TSBP1: variants seen among roughly 807,000 people sequenced by gnomAD.
TSBP1 encodes testis-expressed basic protein 1.
TSBP1 carries 56 observed loss-of-function variants against 68.8 expected under a neutral mutation model. The ratio of observed to expected loss-of-function variants is 0.81; its 90% CI spans 0.66 to 1.02. The LOEUF is 1.02. Among genes scored for constraint, TSBP1 ranks in the 50% least tolerant of loss-of-function variants. TSBP1 has a pLI of 0.00. For synonymous variants in TSBP1, 171 were observed against 208.7 expected (o/e 0.82, Z 1.56); for missense variants, 502 against 641.2 (o/e 0.78, Z 2.34).
In TSBP1 at chr6:32,333,183, A is replaced by AT. The variant is rs1307550153; in HGVS notation, c.473-1130dup. ...GACACCACACCCAGCTAATTTTTGT[A>AT]TTTTTTTAAGTAGAGATGGGGTTTC... is the stretch of plus-strand genomic sequence containing the variant. On this transcript the variant is annotated intron_variant, in intron 14 of 22. Coordinates refer to ENST00000612031, the Ensembl canonical transcript of TSBP1. This position sits in a 1 kb window ranked among gnomAD's most constrained non-coding sequence, Gnocchi z 4.2. Among the ~76,000 whole-genome samples, 3 of 151,014 alleles carry AT rather than the reference A, an allele frequency of 2.0e-5. No homozygotes were observed. The highest frequency in any genetic ancestry group is 4.9e-5 in the African/African-American group (2 of 41,012).
intron 9 of TSBP1, among the ~76,000 whole-genome samples, chr6:32,342,694 A>G (rs1301013282): frequency 6.6e-6 from 1 of 152,228 alleles, no homozygotes; most frequent in Non-Finnish European, 1.5e-5. Flanking sequence ...GTGATTTTTT[A>G]GTAGGTCTTA....
In TSBP1 at chr6:32,343,222, A is replaced by G; in HGVS notation, c.350-3584T>C. The G allele has an allele frequency of 7.2e-7, 1 of 1,383,726 alleles. No individual in the cohort carries two copies. Among genetic ancestry groups the G allele is most frequent in the Non-Finnish European group, 9.5e-7 (1 of 1,057,320 alleles). 85.7% of individuals were successfully genotyped at this position (1,383,726 alleles called of 1,614,324 possible). A position where few individuals can be genotyped will look rare whatever the true frequency, so the allele number is the denominator to read the frequency against. ...GCCCAACAACACCAGAGTTTGAAACAAGAAGATAAACTTACTCATGGATCC... is the reference window on the plus strand; with the variant it reads ...GCCCAACAACACCAGAGTTTGAAACGAGAAGATAAACTTACTCATGGATCC... On this transcript the variant is annotated intron_variant, in intron 9 of 22. Transcript: ENST00000612031. This position sits in a 1 kb window ranked among gnomAD's most constrained non-coding sequence, Gnocchi z 4.3.
At chr6:32,300,812 AT>A (rs1765210121) in intron 20 of TSBP1, 112 bp from the exon 24 acceptor site, 1 of 883,290 alleles carries the variant, frequency 1.1e-6, no homozygotes, top group Non-Finnish European at 1.9e-6. Flanking sequence ...AATTTCATTT[AT>A]TTAAATGTGA....
intron 22 of TSBP1, among the ~76,000 whole-genome samples, chr6:32,298,448 AC>A (rs1350197449): frequency 1.3e-5 from 2 of 152,096 alleles, no homozygotes; most frequent in African/African-American, 4.8e-5. Context: ...GCATGGTGGC[AC>A]ATGCCTGTAA....
At chr6:32,353,681 G>A (rs192341285) in intron 8 of TSBP1, among the ~76,000 whole-genome samples, 10 of 152,076 alleles carry the variant, frequency 6.6e-5, no homozygotes, top group African/African-American at 1.7e-4. Flanking sequence ...GAAAGCAATG[G>A]AGTATTGGTT....
rs542525 is a variant in TSBP1, at chr6:32,321,028, T to C, written c.559+2089A>G. Among the ~76,000 whole-genome samples the C allele has an allele frequency of 0.34, 51,917 of 152,084 alleles. 10,005 individuals carry two copies. The highest frequency in any genetic ancestry group is 0.52 in the Middle Eastern group (154 of 294). On this transcript the variant is annotated intron_variant, in intron 18 of 22. Coordinates refer to ENST00000612031, the Ensembl canonical transcript of TSBP1. This position sits in a 1 kb window ranked among gnomAD's most constrained non-coding sequence, Gnocchi z 4.3. ...AAAGGACATGATCTCATTCTTTTTT[T>C]GGCTGCGTAGTATTCCATGGTGTAT...
At chr6:32,323,493 CAG>C (rs3038470) in intron 17 of TSBP1, 96 bp downstream of exon 18, 438,576 of 1,147,040 alleles carry the variant, frequency 0.38, 88,982 homozygotes, top group Middle Eastern at 0.56. Context: ...TAGCTGCACA[CAG>C]AGTTAGAAAT....
At position 32,335,514 on chromosome 6, in the gene TSBP1, T is replaced by C; in HGVS notation, c.452-57A>G. 8.9e-7 allele frequency: 1 copy of C among 1,125,080 alleles called. No individual in the cohort carries two copies. The highest frequency in any genetic ancestry group is 2.9e-5 in the South Asian group (1 of 34,798). The allele number at this position is 1,125,080 out of a possible 1,614,324, so 69.7% of individuals were successfully genotyped here. On this transcript the variant is annotated intron_variant, in intron 13 of 22. Coordinates refer to ENST00000612031, the Ensembl canonical transcript of TSBP1. The surrounding 1 kb of genome is among the most constrained non-coding windows in gnomAD (Gnocchi z 5.5). ...TATATATATATTTTATATATACTTT[T>C]TATTTATATACTTTAATTTGTATAC...
In TSBP1 at chr6:32,292,805, G is replaced by T; in HGVS notation, c.*176C>A. 1.8e-6 allele frequency: 1 copy of T among 547,104 alleles called. No homozygotes were observed. Among genetic ancestry groups the T allele is most frequent in the Non-Finnish European group, 3.2e-6 (1 of 314,214 alleles). 33.9% of individuals were successfully genotyped at this position (547,104 alleles called of 1,614,324 possible). On this transcript the variant is annotated 3_prime_UTR_variant, in exon 23 of 23. Transcript: ENST00000612031. This position sits in a 1 kb window ranked among gnomAD's most constrained non-coding sequence, Gnocchi z 4.1. ...ATAAAACAAATATTTGGAAACTGAGGTTTGTGGCTGAGAGATTAAAAAGGG... is the reference window on the plus strand; with the variant it reads ...ATAAAACAAATATTTGGAAACTGAGTTTTGTGGCTGAGAGATTAAAAAGGG...
At chr6:32,339,378 G>T in intron 10 of TSBP1, 1 of 650,790 alleles carries the variant, frequency 1.5e-6, no homozygotes, top group Non-Finnish European at 2.9e-6. Context: ...TCCTCACACT[G>T]GTAAAAGAGA....
rs1774213609 is a variant in TSBP1 at position 32,370,079 on chromosome 6, T to TC, written c.14-97_14-96insG. 7 of 781,662 alleles carry TC rather than the reference T, an allele frequency of 9.0e-6. No homozygotes were observed. In the East Asian group the frequency reaches 1.7e-4, roughly 19 times the overall value. The allele number at this position is 781,662 out of a possible 1,614,324, so 48.4% of individuals were successfully genotyped here. On this transcript the variant is annotated intron_variant, in intron 1 of 22. Coordinates refer to ENST00000612031, the Ensembl canonical transcript of TSBP1. ...CCTCTTACTATCCACCAGATAGACT[T>TC]TTTTTCTTTCCCCTTTCTGCTACTT...
intron 9 of TSBP1, 150 bp downstream of exon 9, chr6:32,349,590 T>C (rs1771483016): frequency 3.3e-6 from 2 of 600,964 alleles, no homozygotes; most frequent in African/African-American, 1.9e-5. Context: ...TATTGAAGTG[T>C]CTGGTTATGG....
rs1353138797 is a variant in TSBP1, at chr6:32,308,585, G to A, written c.581-5956C>T. On this transcript the variant is annotated intron_variant, in intron 19 of 22. Transcript: ENST00000612031. ...TGCACTCCAGCCTGTGCGACAGAGC[G>A]AGACTCCGTCTCAAAAAAAAAAAAA... Among the ~76,000 whole-genome samples, 74 of 119,312 alleles carry A rather than the reference G, an allele frequency of 6.2e-4. No homozygotes were observed. In the East Asian group the frequency reaches 0.016, roughly 26 times the overall value. 78.3% of individuals were successfully genotyped at this position (119,312 alleles called of 152,430 possible).
rs1256415263 is a variant in TSBP1, at chr6:32,337,077, A to G, written c.410-442T>C. On this transcript the variant is annotated intron_variant, in intron 11 of 22. Transcript: ENST00000612031. This position sits in a 1 kb window ranked among gnomAD's most constrained non-coding sequence, Gnocchi z 5.5. ...CCTATATCCTACAGAAGGCCAAAGAACATTAGAGGAAACAGAAAAGGAACT... is the reference window on the plus strand; with the variant it reads ...CCTATATCCTACAGAAGGCCAAAGAGCATTAGAGGAAACAGAAAAGGAACT... Among the ~76,000 whole-genome samples, 1 of 152,188 alleles carries G rather than the reference A, an allele frequency of 6.6e-6. No homozygotes were observed. Among genetic ancestry groups the G allele is most frequent in the Non-Finnish European group, 1.5e-5 (1 of 68,034 alleles).
In TSBP1 at chr6:32,361,447, A is replaced by G. The variant is rs1046415137; in HGVS notation, c.217+4720T>C. 6.6e-6 allele frequency among the ~76,000 whole-genome samples: 1 copy of G among 152,186 alleles called. No individual in the cohort carries two copies. Among genetic ancestry groups the G allele is most frequent in the Admixed American group, 6.5e-5 (1 of 15,274 alleles). On this transcript the variant is annotated intron_variant, in intron 6 of 22. Coordinates refer to ENST00000612031, the Ensembl canonical transcript of TSBP1. This position sits in a 1 kb window ranked among gnomAD's most constrained non-coding sequence, Gnocchi z 4.3. ...ATTTCTAGTTCTAGATCCTTGAGGA[A>G]TCACCACACTGTCTTCCACAATGGT... is the stretch of plus-strand genomic sequence containing the variant.
rs1209837183 is a variant in TSBP1, at chr6:32,365,423, T to C, written c.217+744A>G. The C allele has an allele frequency of 2.2e-6, 1 of 456,988 alleles. No individual in the cohort carries two copies. Among genetic ancestry groups the C allele is most frequent in the Admixed American group, 2.3e-5 (1 of 42,572 alleles). 28.3% of individuals were successfully genotyped at this position (456,988 alleles called of 1,614,324 possible). Reference sequence around the variant, plus strand: ...GAGTGAAATGTGTGAAAGGCATGCCTGTGGGTCAGTAGTGCAAGGAGCATA... The same window carrying C: ...GAGTGAAATGTGTGAAAGGCATGCCCGTGGGTCAGTAGTGCAAGGAGCATA... On this transcript the variant is annotated intron_variant, in intron 6 of 22. Coordinates refer to ENST00000612031, the Ensembl canonical transcript of TSBP1. The surrounding 1 kb of genome is among the most constrained non-coding windows in gnomAD (Gnocchi z 4.3).
At position 32,335,327 on chromosome 6, in the gene TSBP1, CAG is replaced by C. The variant is rs2127604234; in HGVS notation, c.472+108_472+109del. ...AGTACTGGGTGAGATTATGAGGTGG[CAG>C]AAGGACTTGATCCTTGAGTCCTTGG... is the stretch of plus-strand genomic sequence containing the variant. On this transcript the variant is annotated intron_variant, in intron 14 of 22. Transcript: ENST00000612031. This position sits in a 1 kb window ranked among gnomAD's most constrained non-coding sequence, Gnocchi z 5.5. 1.0e-6 allele frequency: 1 copy of C among 992,858 alleles called. No homozygotes were observed. Among genetic ancestry groups the C allele is most frequent in the African/African-American group, 1.7e-5 (1 of 58,086 alleles). The allele number at this position is 992,858 out of a possible 1,614,324, so 61.5% of individuals were successfully genotyped here.
At chr6:32,349,429 T>C (rs915612622) in intron 9 of TSBP1, 10 of 242,890 alleles carry the variant, frequency 4.1e-5, no homozygotes, top group African/African-American at 2.3e-4. Flanking sequence ...TCCCTCATTC[T>C]ATATTATCTT....
intron 8 of TSBP1, chr6:32,350,175 GA>G (rs1416026392): frequency 2.1e-6 from 1 of 482,048 alleles, no homozygotes; most frequent in Non-Finnish European, 4.1e-6. Flanking sequence ...TGTTCGAAAA[GA>G]TTTTTTGTTA....
Sources: gnomAD v4.1 joint callset for allele counts (sites outside exome capture counted in the v4.1 genomes callset) on GRCh38, gnomAD v4.1.1 for gene constraint, Gnocchi (gnomAD v3.1) non-coding constraint, MANE v1.5 for transcripts, NCBI Gene and HGNC (gene_info 2026-07-23, HGNC 2026-07-21) for gene names.